UBE2J1: variants seen among roughly 807,000 people sequenced by gnomAD.
UBE2J1 encodes ubiquitin conjugating enzyme E2 J1.
A neutral mutation model predicts 42.1 loss-of-function variants in UBE2J1; 17 were observed. The ratio of observed to expected loss-of-function variants is 0.40; its 90% CI spans 0.28 to 0.61. The LOEUF (loss-of-function observed/expected upper bound fraction) is 0.61, where lower values mean the gene tolerates loss of function less well. Ranked by LOEUF, UBE2J1 falls within the 20% of genes least tolerant of loss-of-function variation. The probability of loss-of-function intolerance (pLI) is 0.38; values close to 1 mark genes in which losing one functional copy is unlikely to be tolerated. For synonymous variants in UBE2J1, 127 were observed against 137.2 expected, an observed-to-expected ratio of 0.93 and a Z score of 0.52; for missense variants, 291 against 389.4, an observed-to-expected ratio of 0.75 and a Z score of 2.13.
chr6:89,341,875 A>C, intron 3 of UBE2J1, among the ~76,000 whole-genome samples: 1 of 152,226 alleles, frequency 6.6e-6, no homozygotes, highest in East Asian at 1.9e-4. Context: ...ATACAATAAG[A>C]TCTTGATACT....
chr6:89,343,851 C>A, intron 1 of UBE2J1, 95 bp from the exon 2 acceptor site: 2 of 920,490 alleles, frequency 2.2e-6, no homozygotes, highest in Non-Finnish European at 3.2e-6. Context: ...GTGTAGAGAA[C>A]TAGTGCAAAT....
intron 1 of UBE2J1, among the ~76,000 whole-genome samples, chr6:89,346,338 A>C (rs918896827): frequency 1.3e-5 from 2 of 152,216 alleles, no homozygotes; most frequent in Non-Finnish European, 2.9e-5. Context: ...CGTAAACAAA[A>C]TATGGCTTTG....
intron 1 of UBE2J1, among the ~76,000 whole-genome samples, chr6:89,346,622 C>T (rs1226394744): frequency 6.6e-6 from 1 of 152,128 alleles, no homozygotes; most frequent in Admixed American, 6.5e-5. Flanking sequence ...GTCTCTATGA[C>T]ACCTTCCCTG....
Position 89,328,967 on chromosome 6 carries a change from T to A in UBE2J1, c.*712A>T. On this transcript the variant is annotated 3_prime_UTR_variant, in exon 8 of 8. Transcript: ENST00000435041. ...GGGCCCTTTCTTCCTTAAAAATCTA[T>A]GGAAGACTGTTTTCTTTCTTTTTAA... is the stretch of plus-strand genomic sequence containing the variant. 1.3e-5 allele frequency: 2 copies of A among 152,208 alleles called. No homozygotes were observed. The highest frequency in any genetic ancestry group is 3.8e-4 in the East Asian group (2 of 5,200). 9.4% of individuals were successfully genotyped at this position (152,208 alleles called of 1,614,324 possible). A position where few individuals can be genotyped will look rare whatever the true frequency, so the allele number is the denominator to read the frequency against.
intron 3 of UBE2J1, among the ~76,000 whole-genome samples, chr6:89,341,247 G>C (rs1768241709): frequency 6.6e-6 from 1 of 152,172 alleles, no homozygotes; most frequent in Non-Finnish European, 1.5e-5. Context: ...TGTGGAAGGT[G>C]GACTGCAGCA....
intron 1 of UBE2J1, among the ~76,000 whole-genome samples, chr6:89,348,684 AAC>A (rs1582489980): frequency 1.3e-5 from 2 of 152,258 alleles, no homozygotes; most frequent in Non-Finnish European, 2.9e-5. Context: ...TGTCTTCCGT[AAC>A]AGTCAGTAGA....
chr6:89,326,642 GTT>G lies in UBE2J1; in HGVS notation c.*3035_*3036del. The G allele has an allele frequency of 6.6e-6, 1 of 152,192 alleles. No homozygotes were observed. The highest frequency in any genetic ancestry group is 1.9e-4 in the East Asian group (1 of 5,188). 9.4% of individuals were successfully genotyped at this position (152,192 alleles called of 1,614,324 possible). On this transcript the variant is annotated 3_prime_UTR_variant, in exon 8 of 8. Transcript: ENST00000435041. ...AAACAAGGTATGAGTAAAGTCACTG[GTT>G]TTATTGAGCAGCTCAAACTAGTTCT... is the stretch of plus-strand genomic sequence containing the variant.
intron 3 of UBE2J1, among the ~76,000 whole-genome samples, chr6:89,339,479 GGGAGGA>G: frequency 2.6e-4 from 1 of 3,868 alleles, no homozygotes. Flanking sequence ...GGGGGGAGGG[GGGAGGA>G]GAGGGGATGG....
chr6:89,333,984 CTGTA>C (rs747937760), intron 6 of UBE2J1, among the ~76,000 whole-genome samples: 33 of 152,098 alleles, frequency 2.2e-4, no homozygotes, highest in Non-Finnish European at 4.0e-4. Flanking sequence ...TACTTTACGT[CTGTA>C]TGTATGTATG....
rs926344024 is a variant in UBE2J1 at position 89,327,819 on chromosome 6, G to T, written c.*1860C>A. 5 of 152,206 alleles carry T rather than the reference G, an allele frequency of 3.3e-5. No homozygotes were observed. The highest frequency in any genetic ancestry group is 7.3e-5 in the Non-Finnish European group (5 of 68,054). The allele number at this position is 152,206 out of a possible 1,614,324, so 9.4% of individuals were successfully genotyped here. The stretch of plus-strand genomic sequence containing the variant: ...GTTCCTAGCACACAATCTCAGCAGA[G>T]GTTGAGGTGGTGGGGATTTCTTTCT... On this transcript the variant is annotated 3_prime_UTR_variant, in exon 8 of 8. Transcript: ENST00000435041.
At chr6:89,352,512 T>A in intron 1 of UBE2J1, 27 bp downstream of exon 1, 3 of 1,560,660 alleles carry the variant, frequency 1.9e-6, no homozygotes, top group Non-Finnish European at 2.6e-6. Context: ...TCCGCCCTCC[T>A]CGCCCAGGGG....
At chr6:89,336,476 T>TA (rs1554200817) in intron 5 of UBE2J1, among the ~76,000 whole-genome samples, 16 of 51,402 alleles carry the variant, frequency 3.1e-4, no homozygotes, top group African/African-American at 6.1e-4. Context: ...TTATTTTATT[T>TA]TTTTTTTTTA....
chr6:89,345,052 G>A (rs2127871448), intron 1 of UBE2J1, among the ~76,000 whole-genome samples: 1 of 152,322 alleles, frequency 6.6e-6, no homozygotes, highest in South Asian at 2.1e-4. Context: ...CAAAAGAGAG[G>A]TATGCACCAG....
At position 89,329,801 on chromosome 6, in the gene UBE2J1, C is replaced by G. The variant is rs1030806714; in HGVS notation, c.835G>C (p.Asp279His). Residue 279 changes from aspartate to histidine, a missense_variant, in exon 8 of 8, where the codon GAC (aspartate) becomes CAC (histidine). Around this residue, in one of 2 missense-constraint regions of UBE2J1, gnomAD observed 176 missense variants for 196.3 expected, o/e 0.90. Coordinates refer to ENST00000435041, the MANE Select transcript of UBE2J1 (RefSeq NM_016021.3). ...PDVIQGHQPR[D>H]NHTDHGGSAV... ...GACCCACCATGATCAGTGTGGTTGT[C>G]TCTTGGCTGGTGGCCCTGGATTACA... 6.2e-7 allele frequency: 1 copy of G among 1,613,998 alleles called. No individual in the cohort carries two copies. The highest frequency in any genetic ancestry group is 1.3e-5 in the African/African-American group (1 of 74,894).
chr6:89,338,090 T>C, intron 5 of UBE2J1, 115 bp downstream of exon 5: 1 of 662,408 alleles, frequency 1.5e-6, no homozygotes, highest in Non-Finnish European at 2.5e-6. Context: ...GATAAGATCC[T>C]GTAGCTACAG....
chr6:89,350,568 T>C (rs779490763), intron 1 of UBE2J1, among the ~76,000 whole-genome samples: 1 of 151,936 alleles, frequency 6.6e-6, no homozygotes, highest in Non-Finnish European at 1.5e-5. Flanking sequence ...CTAACAAAAA[T>C]AGATTTTTAA....
rs1767970405 is a variant in UBE2J1 at position 89,329,784 on chromosome 6, A to G, written c.852T>C (p.His284=). ...TGACAATCAGTACAGCTGACCCACC[A>G]TGATCAGTGTGGTTGTCTCTTGGCT... ...GHQPRDNHTD[H]GGSAVLIVIL... The change falls in exon 8 of 8, where the codon CAT becomes CAC. Residue 284 remains histidine, a synonymous_variant. Transcript: ENST00000435041. 6.2e-7 allele frequency: 1 copy of G among 1,613,974 alleles called. No homozygotes were observed. The highest frequency in any genetic ancestry group is 1.7e-5 in the Admixed American group (1 of 59,990).
chr6:89,340,841 T>C (rs930001224), intron 3 of UBE2J1, among the ~76,000 whole-genome samples: 3 of 151,360 alleles, frequency 2.0e-5, no homozygotes, highest in Non-Finnish European at 2.9e-5. Context: ...AGTGGCGCAA[T>C]CTCGGCTCAC....
intron 3 of UBE2J1, 21 bp from the exon 4 acceptor site, chr6:89,338,564 T>C: frequency 2.7e-6 from 4 of 1,468,306 alleles, no homozygotes; most frequent in Non-Finnish European, 3.7e-6. Flanking sequence ...AACAATGCAT[T>C]TAGAAAATTA....
Sources: gnomAD v4.1 joint callset for allele counts (sites outside exome capture counted in the v4.1 genomes callset) on GRCh38, gnomAD v4.1.1 for gene constraint, gnomAD v4.1.1 regional missense constraint, MANE v1.5 for transcripts, NCBI Gene and HGNC (gene_info 2026-07-23, HGNC 2026-07-21) for gene names.